Variants in AOAH observed in about 807,000 individuals in gnomAD.
The protein encoded by AOAH is acyloxyacyl hydrolase (neutrophil).
Under a neutral mutation model 92.2 loss-of-function variants are expected in AOAH, and 64 were observed. The observed-to-expected ratio is 0.69, with a 90% confidence interval of 0.57 to 0.86. The LOEUF is 0.86. Ranked by LOEUF, AOAH falls within the 40% of genes least tolerant of loss-of-function variation. The pLI is 0.00. For missense variants in AOAH, 656 were observed against 694.6 expected (o/e 0.94, Z 0.62); for synonymous variants, 263 against 254.5 (o/e 1.03, Z -0.32).
At chr7:36,531,512 A>C (rs1381708703) in intron 18 of AOAH, among the ~76,000 whole-genome samples, 2 of 151,920 alleles carry the variant, frequency 1.3e-5, no homozygotes, top group Non-Finnish European at 2.9e-5. Flanking sequence ...ACACCTGGCT[A>C]ATTTTTGTAT....
intron 13 of AOAH, among the ~76,000 whole-genome samples, chr7:36,556,502 A>G (rs6973721): frequency 0.97 from 146,483 of 150,264 alleles, 71,509 homozygotes; most frequent in East Asian, 1. Flanking sequence ...TATTAGGTCC[A>G]CTTGGTGCAG....
At chr7:36,617,356 G>T (rs1161479826) in intron 10 of AOAH, among the ~76,000 whole-genome samples, 1 of 152,202 alleles carries the variant, frequency 6.6e-6, no homozygotes, top group East Asian at 1.9e-4. Flanking sequence ...TCATTCATTG[G>T]TTTAGTTGTT....
In AOAH at chr7:36,513,337, T is replaced by C. The variant is rs776443004; in HGVS notation, c.1643A>G (p.Gln548Arg). Residue 548 changes from glutamine to arginine, a missense_variant, in exon 21 of 21, where the codon CAG becomes CGG. Physicochemically the swap from Gln to Arg is conservative, Grantham distance 43. Coordinates refer to ENST00000617537, the MANE Select transcript of AOAH (RefSeq NM_001637.4). ...LLADHFWKKV[Q>R]LQWPQILGKE... ...TCCCAGGATTTGGGGCCACTGGAGC[T>C]GCACCTTTTTCCAGAAATGATCCGC... is the stretch of plus-strand genomic sequence containing the variant. 3 of 1,614,158 alleles carry C rather than the reference T, an allele frequency of 1.9e-6. No homozygotes were observed. The highest frequency in any genetic ancestry group is 3.3e-5 in the Admixed American group (2 of 60,014).
intron 13 of AOAH, among the ~76,000 whole-genome samples, chr7:36,573,766 A>C (rs540544834): frequency 3.3e-5 from 5 of 152,294 alleles, no homozygotes; most frequent in African/African-American, 9.6e-5. Context: ...TTCATGACAG[A>C]GTTATGTATA....
chr7:36,717,728 T>TTTA lies in AOAH; in HGVS notation c.127+6293_127+6294insTAA, dbSNP rs1554327715. Among the ~76,000 whole-genome samples, 24 of 23,674 alleles carry TTTA rather than the reference T, an allele frequency of 1.0e-3. No homozygotes were observed. In the East Asian group the frequency reaches 0.036, roughly 36 times the overall value. 15.5% of individuals were successfully genotyped at this position (23,674 alleles called of 152,430 possible). ...CAAATTTCCTCTTTTTCTCTTCTTA[T>TTTA]TTTTTTTTTTTTTTGCTTAGCCTAG... On this transcript the variant is annotated intron_variant, in intron 1 of 20. Transcript: ENST00000617537.
chr7:36,641,093 C>A (rs1314834940), intron 4 of AOAH, among the ~76,000 whole-genome samples: 1 of 152,176 alleles, frequency 6.6e-6, no homozygotes, highest in Admixed American at 6.5e-5. Flanking sequence ...AAGTATACAT[C>A]CTCCCTACTT....
intron 3 of AOAH, among the ~76,000 whole-genome samples, chr7:36,670,090 G>C (rs182576449): frequency 1.7e-4 from 26 of 152,192 alleles, no homozygotes; most frequent in Middle Eastern, 6.8e-3. Flanking sequence ...ACATCTTGTG[G>C]CTCTGCCTGT....
chr7:36,650,842 CA>C (rs1160310336), intron 4 of AOAH, among the ~76,000 whole-genome samples: 2 of 152,220 alleles, frequency 1.3e-5, no homozygotes, highest in Non-Finnish European at 2.9e-5. Flanking sequence ...GCAAGAAAGA[CA>C]CGGTCCTTGT....
chr7:36,513,419 T>C lies in AOAH; in HGVS notation c.1600-39A>G. On this transcript the variant is annotated intron_variant, in intron 20 of 20. Coordinates refer to ENST00000617537, the MANE Select transcript of AOAH (RefSeq NM_001637.4). ...CCCAAAGGACGAGGAAAAGGGAAATTAGGACAAATCACTTACCAACAAGAT... is the reference window on the plus strand; with the variant it reads ...CCCAAAGGACGAGGAAAAGGGAAATCAGGACAAATCACTTACCAACAAGAT... 4 of 1,598,014 alleles carry C rather than the reference T, an allele frequency of 2.5e-6. No individual in the cohort carries two copies. In the South Asian group the frequency reaches 4.5e-5, roughly 18 times the overall value.
chr7:36,696,789 C>T (rs1562706641), intron 1 of AOAH, among the ~76,000 whole-genome samples: 1 of 151,706 alleles, frequency 6.6e-6, no homozygotes, highest in Non-Finnish European at 1.5e-5. Flanking sequence ...GAGCCGAGAC[C>T]GGGAGGCGGA....
chr7:36,681,500 A>C (rs2116727109), intron 2 of AOAH, among the ~76,000 whole-genome samples: 1 of 152,292 alleles, frequency 6.6e-6, no homozygotes, highest in Middle Eastern at 3.4e-3. Context: ...TGGTGGAGGC[A>C]GCAGAATTTT....
chr7:36,581,480 T>C (rs924847323), intron 12 of AOAH, among the ~76,000 whole-genome samples: 1 of 152,228 alleles, frequency 6.6e-6, no homozygotes, highest in Non-Finnish European at 1.5e-5. Context: ...TTATGCCCTC[T>C]GCCTTGAGTA....
At chr7:36,644,028 C>T (rs559323718) in intron 4 of AOAH, among the ~76,000 whole-genome samples, 13 of 152,224 alleles carry the variant, frequency 8.5e-5, no homozygotes, top group Non-Finnish European at 1.6e-4. Context: ...TGGACTAATA[C>T]AATGTTGTGC....
At chr7:36,536,441 C>T (rs1426457044) in intron 16 of AOAH, among the ~76,000 whole-genome samples, 2 of 152,110 alleles carry the variant, frequency 1.3e-5, no homozygotes, top group East Asian at 1.9e-4. Flanking sequence ...AGGAATCAGA[C>T]TTGAGTGTCC....
At chr7:36,517,710 C>T (rs1783873611) in intron 20 of AOAH, among the ~76,000 whole-genome samples, 1 of 148,596 alleles carries the variant, frequency 6.7e-6, no homozygotes, top group Non-Finnish European at 1.5e-5. Context: ...AAGTGATTCT[C>T]CTGCCTCAGC....
chr7:36,702,572 A>T (rs1798094179), intron 1 of AOAH, among the ~76,000 whole-genome samples: 1 of 152,202 alleles, frequency 6.6e-6, no homozygotes, highest in Non-Finnish European at 1.5e-5. Flanking sequence ...TAGTGCATAT[A>T]AGAGTTTTAT....
chr7:36,707,571 G>GTGCAATAAAATGAAGCACAATAAAA, intron 1 of AOAH, among the ~76,000 whole-genome samples: 1 of 152,262 alleles, frequency 6.6e-6, no homozygotes, highest in Middle Eastern at 3.4e-3. Flanking sequence ...TATCTGCAAA[G>GTGCAATAAAATGAAGCACAATAAAA]TGCAATAAAA....
intron 3 of AOAH, among the ~76,000 whole-genome samples, chr7:36,664,068 G>A (rs1795387926): frequency 6.6e-6 from 1 of 151,498 alleles, no homozygotes; most frequent in East Asian, 1.9e-4. Flanking sequence ...AAACTGGGTT[G>A]TTTGTCGTTG....
intron 11 of AOAH, chr7:36,598,108 C>A (rs1294545938): frequency 1.3e-5 from 2 of 152,164 alleles, no homozygotes; most frequent in Non-Finnish European, 2.9e-5. Context: ...GTTGCTAACA[C>A]TCTCCAAGCT....
Sources: allele counts gnomAD v4.1 joint callset (sites outside exome capture counted in the v4.1 genomes callset), GRCh38; gene constraint gnomAD v4.1.1; transcripts MANE v1.5; gene names NCBI Gene and HGNC (gene_info 2026-07-23, HGNC 2026-07-21).